RRP36: variants seen among roughly 807,000 people sequenced by gnomAD.
RRP36 encodes ribosomal RNA processing protein 36 homolog.
In RRP36, 44 loss-of-function variants were observed where a neutral mutation model predicts 39.8. The ratio of observed to expected loss-of-function variants is 1.10; its 90% CI spans 0.87 to 1.42. The LOEUF is 1.42. Ranked by LOEUF, RRP36 falls within the 40% of genes most tolerant of loss-of-function variation. RRP36 has a pLI of 0.00. For synonymous variants in RRP36, 124 were observed against 123.1 expected, an observed-to-expected ratio of 1.01 and a Z score of -0.05; for missense variants, 316 against 322.4, an observed-to-expected ratio of 0.98 and a Z score of 0.15.
intron 2 of RRP36, 47 bp from the exon 3 acceptor site, chr6:43,025,216 T>G: frequency 6.2e-7 from 1 of 1,612,928 alleles, no homozygotes; most frequent in Non-Finnish European, 8.5e-7. Context: ...GGGAAGCCTT[T>G]GACCAACACT....
chr6:43,029,457 C>G lies in RRP36; in HGVS notation c.*229C>G, dbSNP rs933642164. ...GCTTGAATCTGGTTCATTGCGTCCT[C>G]GTGTTCTTCTCTCATCCTTGCCTTA... On this transcript the variant is annotated 3_prime_UTR_variant, in exon 7 of 7. Transcript: ENST00000244496. 2.3e-6 allele frequency: 1 copy of G among 444,356 alleles called. No individual in the cohort carries two copies. Among genetic ancestry groups the G allele is most frequent in the African/African-American group, 2.0e-5 (1 of 50,690 alleles). 27.5% of individuals were successfully genotyped at this position (444,356 alleles called of 1,614,324 possible).
chr6:43,026,311 T>C (rs985303114), intron 4 of RRP36, among the ~76,000 whole-genome samples, 170 bp downstream of exon 4: 12 of 152,182 alleles, frequency 7.9e-5, no homozygotes, highest in South Asian at 2.1e-4. Context: ...TGTGTGATTA[T>C]TGGCATGTTA....
At position 43,027,358 on chromosome 6, in the gene RRP36, A is replaced by G. The variant is rs1465628872; in HGVS notation, c.526-2A>G. On this transcript the variant is annotated splice_acceptor_variant, in intron 5 of 6. Coordinates refer to ENST00000244496, the MANE Select transcript of RRP36 (RefSeq NM_033112.4). LOFTEE classifies it high-confidence loss of function. ...TTCACCCATCTCATCTTTGCTCCTC[A>G]GGAGCAGCAAGAAATGGCACAGCAG... is the stretch of plus-strand genomic sequence containing the variant. 1 of 1,613,972 alleles carries G rather than the reference A, an allele frequency of 6.2e-7. No individual in the cohort carries two copies. Among genetic ancestry groups the G allele is most frequent in the South Asian group, 1.1e-5 (1 of 91,078 alleles).
At chr6:43,021,898 A>G in intron 1 of RRP36, 114 bp downstream of exon 1, 1 of 775,560 alleles carries the variant, frequency 1.3e-6, no homozygotes, top group Non-Finnish European at 1.7e-6. Context: ...GGCAGACGCT[A>G]CACTAGGGGT....
Position 43,025,127 on chromosome 6 carries a change from G to T in RRP36, c.273G>T (p.Lys91Asn). The T allele has an allele frequency of 6.2e-7, 1 of 1,614,172 alleles. No homozygotes were observed. Residue 91 changes from lysine to asparagine, a missense_variant, in exon 2 of 7, where the codon AAG becomes AAT. Lys to Asn is a moderately conservative substitution (Grantham distance 94). Coordinates refer to ENST00000244496, the MANE Select transcript of RRP36 (RefSeq NM_033112.4). ...PPIQNACVAD[K>N]HRPLEMSAKI... Reference sequence around the variant, plus strand: ...TCCAAAATGCATGTGTTGCAGATAAGCACAGGTAAGCAAGGCTTGCCCTAG... The same window carrying T: ...TCCAAAATGCATGTGTTGCAGATAATCACAGGTAAGCAAGGCTTGCCCTAG...
chr6:43,027,601 T>C, intron 6 of RRP36, 124 bp downstream of exon 6: 3 of 767,530 alleles, frequency 3.9e-6, no homozygotes, highest in Non-Finnish European at 6.6e-6. Context: ...CATGGTAACT[T>C]GGAGGAAAGT....
At chr6:43,022,690 T>G (rs1055169323) in intron 1 of RRP36, among the ~76,000 whole-genome samples, 2 of 148,204 alleles carry the variant, frequency 1.3e-5, no homozygotes, top group African/African-American at 2.5e-5. Context: ...TGGAGTGCAG[T>G]AGCGCGATCT....
At chr6:43,027,524 C>G in intron 6 of RRP36, 47 bp downstream of exon 6, 1 of 1,493,228 alleles carries the variant, frequency 6.7e-7, no homozygotes, top group Non-Finnish European at 9.3e-7. Context: ...GTGCAGGGGC[C>G]ATGGTGGTAG....
In RRP36 at chr6:43,027,432, C is replaced by CG. The variant is rs1312347498; in HGVS notation, c.601dup (p.Ala201GlyfsTer16). The CG allele has an allele frequency of 4.3e-6, 7 of 1,614,054 alleles. No individual in the cohort carries two copies. Among genetic ancestry groups the CG allele is most frequent in the Non-Finnish European group, 5.9e-6 (7 of 1,180,036 alleles). Reference sequence around the variant, plus strand: ...GCACCTGGCCCTGAAGCAAGAACGTCGGGCTCAGGCCCAGCAGGGCCATCG... The same window carrying CG: ...GCACCTGGCCCTGAAGCAAGAACGTCGGGGCTCAGGCCCAGCAGGGCCATCG... On this transcript the variant is annotated frameshift_variant, in exon 6 of 7. Coordinates refer to ENST00000244496, the MANE Select transcript of RRP36 (RefSeq NM_033112.4). LOFTEE classifies it high-confidence loss of function.
At position 43,029,159 on chromosome 6, in the gene RRP36, C is replaced by T. The variant is rs747755411; in HGVS notation, c.711C>T (p.Asn237=). 6.2e-7 allele frequency: 1 copy of T among 1,614,200 alleles called. No homozygotes were observed. The highest frequency in any genetic ancestry group is 1.1e-5 in the South Asian group (1 of 91,084). ...TGAAACGCAGCAAGAAATTGGAGAA[C>T]TTCTTGAGTCGAAAGAGGCGACGAA... ...KELKRSKKLE[N]FLSRKRRRNA... is the part of the protein sequence containing the mutation. The change falls in exon 7 of 7, where the codon AAC becomes AAT. Residue 237 remains asparagine (N), a synonymous_variant. Transcript: ENST00000244496.
chr6:43,029,385 G>T lies in RRP36; in HGVS notation c.*157G>T. On this transcript the variant is annotated 3_prime_UTR_variant, in exon 7 of 7. Coordinates refer to ENST00000244496, the MANE Select transcript of RRP36 (RefSeq NM_033112.4). ...CTAGAGGGCTCTTGGACTATCCCTA[G>T]GGCTACACAAGAATAGTTCAGCCTT... 1 of 752,284 alleles carries T rather than the reference G, an allele frequency of 1.3e-6. No homozygotes were observed. 46.6% of individuals were successfully genotyped at this position (752,284 alleles called of 1,614,324 possible).
At chr6:43,022,733 C>T (rs1219056531) in intron 1 of RRP36, among the ~76,000 whole-genome samples, 2 of 149,432 alleles carry the variant, frequency 1.3e-5, no homozygotes, top group Non-Finnish European at 3.0e-5. Flanking sequence ...CCCGTGTTTA[C>T]GCCATTCTCC....
chr6:43,025,448 C>T, intron 3 of RRP36, 119 bp downstream of exon 3: 1 of 825,870 alleles, frequency 1.2e-6, no homozygotes, highest in Non-Finnish European at 2.0e-6. Context: ...CATGGTGAAA[C>T]CCTGTCTCTA....
At chr6:43,024,782 C>T (rs1403888834) in intron 1 of RRP36, among the ~76,000 whole-genome samples, 8 of 152,194 alleles carry the variant, frequency 5.3e-5, no homozygotes, top group Non-Finnish European at 7.3e-5. Flanking sequence ...TACATATACA[C>T]CTTCCTTAGC....
Position 43,025,149 on chromosome 6 carries a change from C to T in RRP36, c.278+17C>T. The T allele has an allele frequency of 6.2e-7, 1 of 1,613,730 alleles. No individual in the cohort carries two copies. The highest frequency in any genetic ancestry group is 8.5e-7 in the Non-Finnish European group (1 of 1,179,750). On this transcript the variant is annotated intron_variant, in intron 2 of 6. Transcript: ENST00000244496. ...TAAGCACAGGTAAGCAAGGCTTGCC[C>T]TAGAAGTTGGAAGATAACTGGGACC...
chr6:43,027,543 G>A lies in RRP36; in HGVS notation c.643+66G>A, dbSNP rs918856551. ...AGGGGCCATGGTGGTAGAGTCTTGT[G>A]TTGGGGTGTCCCTGATCCCCTTTAA... On this transcript the variant is annotated intron_variant, in intron 6 of 6. Transcript: ENST00000244496. 56 of 1,319,654 alleles carry A rather than the reference G, an allele frequency of 4.2e-5. No homozygotes were observed. The African/African-American group carries it at 7.6e-4, about 18-fold the overall frequency. 81.7% of individuals were successfully genotyped at this position (1,319,654 alleles called of 1,614,324 possible).
chr6:43,027,711 A>ACC (rs1402304025), intron 6 of RRP36, among the ~76,000 whole-genome samples: 5 of 27,964 alleles, frequency 1.8e-4, no homozygotes, highest in Admixed American at 8.9e-4. Context: ...CCCACTTCCC[A>ACC]ACCCCCCCCC....
chr6:43,024,866 A>G lies in RRP36; in HGVS notation c.131-119A>G, dbSNP rs372533855. The G allele has an allele frequency of 4.9e-6, 6 of 1,229,858 alleles. No homozygotes were observed. In the East Asian group the frequency reaches 9.7e-5, roughly 20 times the overall value. 76.2% of individuals were successfully genotyped at this position (1,229,858 alleles called of 1,614,324 possible). ...ACAGCCTCTGCTGCCTAGGACTTCTAATAATGATTGGTCTGATGGGGTATT... is the reference window on the plus strand; with the variant it reads ...ACAGCCTCTGCTGCCTAGGACTTCTGATAATGATTGGTCTGATGGGGTATT... On this transcript the variant is annotated intron_variant, in intron 1 of 6. Transcript: ENST00000244496.
In RRP36 at chr6:43,029,329, C is replaced by G; in HGVS notation, c.*101C>G. The G allele has an allele frequency of 7.2e-7, 1 of 1,384,416 alleles. No homozygotes were observed. The highest frequency in any genetic ancestry group is 1.0e-6 in the Non-Finnish European group (1 of 997,882). 85.8% of individuals were successfully genotyped at this position (1,384,416 alleles called of 1,614,324 possible). A position where few individuals can be genotyped will look rare whatever the true frequency, so the allele number is the denominator to read the frequency against. ...TTCCGTTCAAGGGCAAGGATCACAGCTGCCCTTGAATCTCATTGCCTCAGA... is the reference window on the plus strand; with the variant it reads ...TTCCGTTCAAGGGCAAGGATCACAGGTGCCCTTGAATCTCATTGCCTCAGA... On this transcript the variant is annotated 3_prime_UTR_variant, in exon 7 of 7. Transcript: ENST00000244496.
Sources: allele counts gnomAD v4.1 joint callset (sites outside exome capture counted in the v4.1 genomes callset), GRCh38; gene constraint gnomAD v4.1.1; transcripts MANE v1.5; gene names NCBI Gene and HGNC (gene_info 2026-07-23, HGNC 2026-07-21).